SLC25A21: variants seen among roughly 807,000 people sequenced by gnomAD.
The protein encoded by SLC25A21 is solute carrier family 25 member 21.
Under a neutral mutation model 43.8 loss-of-function variants are expected in SLC25A21, and 47 were observed. The observed-to-expected ratio is 1.07, with a 90% CI of 0.85 to 1.37. The LOEUF (loss-of-function observed/expected upper bound fraction) is 1.37, where lower values mean the gene tolerates loss of function less well. Ranked by LOEUF, SLC25A21 falls within the 40% of genes most tolerant of loss-of-function variation. The pLI is 0.00. For synonymous variants in SLC25A21, 131 were observed against 121.3 expected, an observed-to-expected ratio of 1.08 and a Z score of -0.52; for missense variants, 352 against 350.2, an observed-to-expected ratio of 1.00 and a Z score of -0.04.
At chr14:37,036,921 G>A (rs561054528) in intron 1 of SLC25A21, among the ~76,000 whole-genome samples, 6 of 152,308 alleles carry the variant, frequency 3.9e-5, no homozygotes, top group African/African-American at 1.4e-4. Context: ...AGTTTCTGAA[G>A]CGGAGGATGC....
chr14:36,691,074 T>G (rs529830781), intron 7 of SLC25A21, among the ~76,000 whole-genome samples: 2 of 152,256 alleles, frequency 1.3e-5, no homozygotes, highest in East Asian at 3.9e-4. Context: ...ATACAGAAAT[T>G]TCCTACCTTA....
chr14:36,769,011 T>A (rs894167228), intron 3 of SLC25A21, among the ~76,000 whole-genome samples: 2 of 151,682 alleles, frequency 1.3e-5, no homozygotes, highest in African/African-American at 4.8e-5. Context: ...TAACAATCAC[T>A]TCAAGGTAAT....
rs557905548 is a variant in SLC25A21, at chr14:37,077,189, A to G, written c.70+95092T>C. 7.2e-5 allele frequency among the ~76,000 whole-genome samples: 11 copies of G among 152,242 alleles called. No individual in the cohort carries two copies. In the South Asian group the frequency reaches 1.4e-3, roughly 20 times the overall value. On this transcript the variant is annotated intron_variant, in intron 1 of 9. Transcript: ENST00000331299. The stretch of plus-strand genomic sequence containing the variant: ...AGATATCATTTAGTCTATAACTTAA[A>G]CAAGCATTGATAAAGTTTTTTACAG...
chr14:37,013,651 T>C (rs989043497), intron 1 of SLC25A21, among the ~76,000 whole-genome samples: 1 of 152,186 alleles, frequency 6.6e-6, no homozygotes, highest in Non-Finnish European at 1.5e-5. Context: ...GTGATTTTTT[T>C]GTAAAATATT....
Position 37,098,778 on chromosome 14 carries a change from C to CAGATAGATAGAT in SLC25A21, c.70+73502_70+73503insATCTATCTATCT, listed in dbSNP as rs1465755836. Among the ~76,000 whole-genome samples the CAGATAGATAGAT allele has an allele frequency of 1.4e-3, 160 of 115,400 alleles. 3 individuals carry two copies. Among genetic ancestry groups the CAGATAGATAGAT allele is most frequent in the African/African-American group, 5.4e-3 (143 of 26,500 alleles). 75.7% of individuals were successfully genotyped at this position (115,400 alleles called of 152,430 possible). A position where few individuals can be genotyped will look rare whatever the true frequency, so the allele number is the denominator to read the frequency against. On this transcript the variant is annotated intron_variant, in intron 1 of 9. Transcript: ENST00000331299. ...ACAGACAGACAGACAGACAGACAGA[C>CAGATAGATAGAT]AGACAGACAGATAGATAGATAGATA...
intron 2 of SLC25A21, among the ~76,000 whole-genome samples, chr14:36,859,586 A>C (rs848044): frequency 2.0e-5 from 3 of 151,898 alleles, no homozygotes; most frequent in Non-Finnish European, 4.4e-5. Context: ...AGGCTCAACT[A>C]TCCTGGGTTC....
At chr14:37,163,050 C>T (rs1205564377) in intron 1 of SLC25A21, among the ~76,000 whole-genome samples, 3 of 150,868 alleles carry the variant, frequency 2.0e-5, no homozygotes, top group Non-Finnish European at 4.4e-5. Context: ...AACAAAAAAC[C>T]AAACACCGCA....
At chr14:37,032,787 T>C (rs1961246894) in intron 1 of SLC25A21, among the ~76,000 whole-genome samples, 1 of 152,112 alleles carries the variant, frequency 6.6e-6, no homozygotes, top group African/African-American at 2.4e-5. Context: ...TGGAGTTTAC[T>C]ATACTATTCA....
At chr14:37,159,138 C>A (rs1218587343) in intron 1 of SLC25A21, among the ~76,000 whole-genome samples, 2 of 150,862 alleles carry the variant, frequency 1.3e-5, no homozygotes, top group Non-Finnish European at 3.0e-5. Context: ...GAATTAATAA[C>A]AATAAAATGA....
intron 2 of SLC25A21, among the ~76,000 whole-genome samples, chr14:36,830,519 C>T (rs1456261321): frequency 6.6e-6 from 1 of 151,792 alleles, no homozygotes; most frequent in Non-Finnish European, 1.5e-5. Context: ...TTGGTGATAA[C>T]ACATGTATCC....
At chr14:36,937,756 C>T (rs906668778) in intron 1 of SLC25A21, among the ~76,000 whole-genome samples, 10 of 152,232 alleles carry the variant, frequency 6.6e-5, no homozygotes, top group African/African-American at 2.4e-4. Context: ...GAGAAGCCAT[C>T]CCCACAGAGG....
chr14:37,014,055 G>A (rs956148401), intron 1 of SLC25A21, among the ~76,000 whole-genome samples: 1 of 152,046 alleles, frequency 6.6e-6, no homozygotes, highest in African/African-American at 2.4e-5. Context: ...AGCGAACTGT[G>A]ATCTTTTTGC....
chr14:36,925,561 T>A (rs1223451261), intron 1 of SLC25A21, among the ~76,000 whole-genome samples: 1 of 152,132 alleles, frequency 6.6e-6, no homozygotes, highest in Non-Finnish European at 1.5e-5. Flanking sequence ...ATAACAGAGC[T>A]TCTGGCAAGC....
At chr14:36,980,477 G>A (rs976954679) in intron 1 of SLC25A21, among the ~76,000 whole-genome samples, 10 of 151,902 alleles carry the variant, frequency 6.6e-5, no homozygotes, top group Admixed American at 2.6e-4. Context: ...TTCTCTTCTC[G>A]CTTCATTTCA....
intron 1 of SLC25A21, among the ~76,000 whole-genome samples, chr14:37,005,085 C>T (rs918389746): frequency 2.0e-5 from 3 of 151,910 alleles, no homozygotes; most frequent in African/African-American, 7.3e-5. Context: ...CCGGAATAAT[C>T]GAATCCCCTA....
chr14:37,004,276 G>A (rs1046532756), intron 1 of SLC25A21, among the ~76,000 whole-genome samples: 38 of 152,076 alleles, frequency 2.5e-4, no homozygotes, highest in Non-Finnish European at 4.7e-4. Context: ...ATTTTGAAAT[G>A]TCATCAGTGC....
At chr14:37,034,753 T>G (rs780574817) in intron 1 of SLC25A21, among the ~76,000 whole-genome samples, 6 of 152,232 alleles carry the variant, frequency 3.9e-5, no homozygotes, top group Non-Finnish European at 8.8e-5. Flanking sequence ...AAGCATTATT[T>G]CCTTCAATTT....
At chr14:36,931,104 C>A (rs970380867) in intron 1 of SLC25A21, among the ~76,000 whole-genome samples, 3 of 152,000 alleles carry the variant, frequency 2.0e-5, no homozygotes, top group African/African-American at 7.2e-5. Context: ...AATTTTCCTC[C>A]TCCCCCCTAT....
At chr14:36,830,242 C>T (rs974131184) in intron 2 of SLC25A21, among the ~76,000 whole-genome samples, 2 of 152,128 alleles carry the variant, frequency 1.3e-5, no homozygotes, top group African/African-American at 2.4e-5. Flanking sequence ...TTTTGAAGAT[C>T]GTTCATATTT....
Sources: allele counts gnomAD v4.1 joint callset (sites outside exome capture counted in the v4.1 genomes callset), GRCh38; gene constraint gnomAD v4.1.1; transcripts MANE v1.5; gene names NCBI Gene and HGNC (gene_info 2026-07-23, HGNC 2026-07-21).